KCNQ3: variants seen among roughly 807,000 people sequenced by gnomAD.
The protein encoded by KCNQ3 is potassium voltage-gated channel subfamily KQT member 3.
A neutral mutation model predicts 92.5 loss-of-function variants in KCNQ3; 30 were observed. The observed-to-expected ratio is 0.32, with a 90% CI of 0.24 to 0.44. The LOEUF (loss-of-function observed/expected upper bound fraction) is 0.44, where lower values mean the gene tolerates loss of function less well. Ranked by LOEUF, KCNQ3 falls within the 20% of genes least tolerant of loss-of-function variation. KCNQ3 has a pLI of 1.00. For missense variants in KCNQ3, 913 were observed against 1,140.3 expected, an observed-to-expected ratio of 0.80 and a Z score of 2.87; for synonymous variants, 450 against 468.8, an observed-to-expected ratio of 0.96 and a Z score of 0.52.
intron 1 of KCNQ3, among the ~76,000 whole-genome samples, chr8:132,265,181 A>G (rs1212024295): frequency 6.6e-6 from 1 of 152,260 alleles, no homozygotes; most frequent in Non-Finnish European, 1.5e-5. Context: ...AAGGCATTCT[A>G]GAATAGCAGC....
At chr8:132,340,009 A>C (rs1381788129) in intron 1 of KCNQ3, among the ~76,000 whole-genome samples, 1 of 152,312 alleles carries the variant, frequency 6.6e-6, no homozygotes, top group East Asian at 1.9e-4. Flanking sequence ...TCATCCATGC[A>C]GCTGAAGTCA....
At chr8:132,143,127 CA>C (rs1413785086) in intron 9 of KCNQ3, among the ~76,000 whole-genome samples, 54 of 152,298 alleles carry the variant, frequency 3.5e-4, no homozygotes, top group African/African-American at 1.3e-3. Context: ...CTCTCTCACC[CA>C]GCACTGTTCC....
At chr8:132,333,921 C>G (rs900433129) in intron 1 of KCNQ3, among the ~76,000 whole-genome samples, 1 of 152,070 alleles carries the variant, frequency 6.6e-6, no homozygotes, top group East Asian at 2.0e-4. Flanking sequence ...TTAGTAGAGA[C>G]AGGGTTTCAC....
At chr8:132,246,843 T>C (rs970186833) in intron 1 of KCNQ3, among the ~76,000 whole-genome samples, 1 of 152,228 alleles carries the variant, frequency 6.6e-6, no homozygotes, top group Admixed American at 6.5e-5. Context: ...ATCAGCACCA[T>C]GCACTGCATG....
intron 1 of KCNQ3, among the ~76,000 whole-genome samples, chr8:132,249,998 C>T (rs549296711): frequency 6.0e-4 from 91 of 152,266 alleles, no homozygotes; most frequent in African/African-American, 2.2e-3. Context: ...CGCTGGCCCA[C>T]GAGTGCACTG....
intron 1 of KCNQ3, among the ~76,000 whole-genome samples, chr8:132,366,185 T>TATAG (rs1819317446): frequency 6.6e-6 from 1 of 152,242 alleles, no homozygotes; most frequent in Non-Finnish European, 1.5e-5. Flanking sequence ...GTTCTCTTCA[T>TATAG]ATAGCTCTTG....
rs2721910 is a variant in KCNQ3, at chr8:132,477,106, A to T, written c.386+3041T>A. 3.9e-5 allele frequency among the ~76,000 whole-genome samples: 6 copies of T among 151,986 alleles called. No homozygotes were observed. In the East Asian group the frequency reaches 7.8e-4, roughly 20 times the overall value. Reference sequence around the variant, plus strand: ...CCCTTTGCCTTCTTCCATGATTGTAAGTTTCCTGAGACCACCCCTTCCCAC... The same window carrying T: ...CCCTTTGCCTTCTTCCATGATTGTATGTTTCCTGAGACCACCCCTTCCCAC... On this transcript the variant is annotated intron_variant, in intron 1 of 14. Transcript: ENST00000388996.
chr8:132,226,892 A>G (rs1387373169), intron 1 of KCNQ3, among the ~76,000 whole-genome samples: 1 of 152,124 alleles, frequency 6.6e-6, no homozygotes. Flanking sequence ...TATCACATCC[A>G]TTATCCTGTT....
intron 4 of KCNQ3, among the ~76,000 whole-genome samples, chr8:132,177,882 A>T (rs1057449467): frequency 6.6e-6 from 1 of 152,114 alleles, no homozygotes; most frequent in Non-Finnish European, 1.5e-5. Context: ...TTTCGGGAGG[A>T]CTCACAACAT....
At chr8:132,414,209 G>T (rs1228509478) in intron 1 of KCNQ3, among the ~76,000 whole-genome samples, 1 of 152,172 alleles carries the variant, frequency 6.6e-6, no homozygotes, top group Non-Finnish European at 1.5e-5. Context: ...GCATCACAGA[G>T]GGGGAAGGTC....
At position 132,152,474 on chromosome 8, in the gene KCNQ3, G is replaced by A. The variant is rs558948329; in HGVS notation, c.1262+10994C>T. On this transcript the variant is annotated intron_variant, in intron 9 of 14. Transcript: ENST00000388996. ...TAGTTGTGAGTATTCTCTACTCATG[G>A]CAATACAATTGTTTGCATCACTGCA... Among the ~76,000 whole-genome samples, 4 of 152,274 alleles carry A rather than the reference G, an allele frequency of 2.6e-5. No homozygotes were observed. The East Asian group carries it at 5.8e-4, about 22-fold the overall frequency.
At chr8:132,311,832 A>C (rs916756576) in intron 1 of KCNQ3, among the ~76,000 whole-genome samples, 1 of 152,152 alleles carries the variant, frequency 6.6e-6, no homozygotes, top group Non-Finnish European at 1.5e-5. Context: ...ATGTCCCCCA[A>C]ATTTGTCTAT....
chr8:132,373,246 T>G (rs902032461), intron 1 of KCNQ3, among the ~76,000 whole-genome samples: 1 of 128,294 alleles, frequency 7.8e-6, no homozygotes, highest in Non-Finnish European at 1.8e-5. Context: ...GAGAGAGCCC[T>G]GGAGACCTAC....
chr8:132,159,176 A>G (rs1825905371), intron 9 of KCNQ3, among the ~76,000 whole-genome samples: 2 of 152,254 alleles, frequency 1.3e-5, no homozygotes, highest in Admixed American at 1.3e-4. Flanking sequence ...GCCAGTCTTA[A>G]TATGGTTAAC....
intron 1 of KCNQ3, among the ~76,000 whole-genome samples, chr8:132,361,531 C>T (rs1398187381): frequency 1.3e-5 from 2 of 151,890 alleles, no homozygotes; most frequent in Admixed American, 6.6e-5. Flanking sequence ...TATCAGGCTG[C>T]AAGATTACTG....
At chr8:132,319,712 C>T (rs78728248) in intron 1 of KCNQ3, among the ~76,000 whole-genome samples, 105 of 152,324 alleles carry the variant, frequency 6.9e-4, no homozygotes, top group African/African-American at 2.5e-3. Context: ...CATGCTCCCC[C>T]GCCCATCTAT....
At chr8:132,293,173 A>T (rs1251730490) in intron 1 of KCNQ3, among the ~76,000 whole-genome samples, 5 of 151,988 alleles carry the variant, frequency 3.3e-5, no homozygotes, top group African/African-American at 9.7e-5. Flanking sequence ...CCTTTGTAAT[A>T]TCCATATAAT....
At chr8:132,341,598 TGA>T (rs1818530242) in intron 1 of KCNQ3, among the ~76,000 whole-genome samples, 1 of 152,196 alleles carries the variant, frequency 6.6e-6, no homozygotes, top group South Asian at 2.1e-4. Flanking sequence ...AGTGAATAAC[TGA>T]ATAAACAAAG....
intron 7 of KCNQ3, among the ~76,000 whole-genome samples, chr8:132,170,732 G>A (rs186248254): frequency 1.3e-5 from 2 of 151,988 alleles, no homozygotes; most frequent in East Asian, 3.9e-4. Context: ...AGTACTAAAG[G>A]CCGGTGCTAT....
Sources: gnomAD v4.1 joint callset for allele counts (sites outside exome capture counted in the v4.1 genomes callset) on GRCh38, gnomAD v4.1.1 for gene constraint, MANE v1.5 for transcripts, NCBI Gene and HGNC (gene_info 2026-07-23, HGNC 2026-07-21) for gene names.